The following ZC3H18 variants were observed in gnomAD, a reference collection of about 807,000 sequenced individuals.
ZC3H18 encodes zinc finger CCCH domain-containing protein 18.
Under a neutral mutation model 106.1 loss-of-function variants are expected in ZC3H18, and 8 were observed. That is an observed-to-expected ratio of 0.08 (90% CI 0.04 to 0.14). The LOEUF (loss-of-function observed/expected upper bound fraction) is 0.14, where lower values mean the gene tolerates loss of function less well. Ranked by LOEUF, ZC3H18 falls within the 10% of genes least tolerant of loss-of-function variation. The pLI, the probability that ZC3H18 is intolerant of heterozygous loss-of-function variation, is 1.00. For missense variants in ZC3H18, 1,318 were observed against 1,278.4 expected, an observed-to-expected ratio of 1.03 and a Z score of -0.47; for synonymous variants, 635 against 522.1, an observed-to-expected ratio of 1.22 and a Z score of -2.95.
intron 6 of ZC3H18, among the ~76,000 whole-genome samples, chr16:88,602,948 C>G (rs1904823392): frequency 6.6e-6 from 1 of 151,938 alleles, no homozygotes; most frequent in East Asian, 1.9e-4. Context: ...ACATAAAGGA[C>G]AAGAAAATTG....
intron 1 of ZC3H18, among the ~76,000 whole-genome samples, chr16:88,571,056 C>T (rs1052809478): frequency 6.6e-6 from 1 of 152,216 alleles, no homozygotes; most frequent in African/African-American, 2.4e-5. Flanking sequence ...GCAGTGATTG[C>T]CCCAAGACGC....
intron 8 of ZC3H18, among the ~76,000 whole-genome samples, chr16:88,619,380 T>C (rs570525122): frequency 6.6e-6 from 1 of 152,196 alleles, no homozygotes; most frequent in Non-Finnish European, 1.5e-5. Context: ...ACCTCCTTGC[T>C]CCATGGGCCT....
chr16:88,621,929 C>T (rs1905990243), intron 8 of ZC3H18, among the ~76,000 whole-genome samples: 1 of 152,198 alleles, frequency 6.6e-6, no homozygotes, highest in African/African-American at 2.4e-5. Context: ...TAATGACACT[C>T]ACAGAAAGTA....
intron 5 of ZC3H18, among the ~76,000 whole-genome samples, chr16:88,599,042 A>C (rs924656777): frequency 6.6e-6 from 1 of 152,056 alleles, no homozygotes; most frequent in Non-Finnish European, 1.5e-5. Flanking sequence ...AGTTATATCT[A>C]ACTGTCTCAG....
At position 88,627,414 on chromosome 16, in the gene ZC3H18, T is replaced by C. The variant is rs1906378191; in HGVS notation, c.2109-208T>C. The stretch of plus-strand genomic sequence containing the variant: ...AGCCGTGCCTGGCTGCAACCTGACA[T>C]TGATTAGTGAAATGGGGCCCTGGCC... On this transcript the variant is annotated intron_variant, in intron 13 of 17. Coordinates refer to ENST00000301011, the MANE Select transcript of ZC3H18 (RefSeq NM_144604.4). The surrounding 1 kb of genome is among the most constrained non-coding windows in gnomAD (Gnocchi z 4.5). 3 of 544,236 alleles carry C rather than the reference T, an allele frequency of 5.5e-6. No homozygotes were observed. In the East Asian group the frequency reaches 9.5e-5, roughly 17 times the overall value. The allele number at this position is 544,236 out of a possible 1,614,324, so 33.7% of individuals were successfully genotyped here.
rs1291803200 is a variant in ZC3H18, at chr16:88,623,240, C to G, written c.1689C>G (p.Ser563=). 1.9e-6 allele frequency: 3 copies of G among 1,613,384 alleles called. No individual in the cohort carries two copies. Among genetic ancestry groups the G allele is most frequent in the Non-Finnish European group, 2.5e-6 (3 of 1,179,944 alleles). Residue 563 remains serine (S), a synonymous_variant, in exon 10 of 18, where the codon TCC becomes TCG. Transcript: ENST00000301011. ...CCAGGTCGTCTTCGCGGTCATCGTC[C>G]TACTCTGGCTCCGGCTCCTCCCGGT... ...NSSRSSSRSS[S]YSGSGSSRSR... is the part of the protein sequence containing the mutation.
intron 8 of ZC3H18, among the ~76,000 whole-genome samples, chr16:88,614,978 C>CT (rs1382127458): frequency 6.7e-6 from 1 of 149,516 alleles, no homozygotes; most frequent in Non-Finnish European, 1.5e-5. Context: ...CTCCTGTTCC[C>CT]TCTGCCCAGA....
intron 6 of ZC3H18, among the ~76,000 whole-genome samples, chr16:88,605,794 G>A (rs1374009901): frequency 2.0e-5 from 3 of 152,182 alleles, no homozygotes; most frequent in African/African-American, 7.2e-5. Context: ...CTAATTGCTC[G>A]ACTTTTCACC....
At chr16:88,622,428 T>C in intron 9 of ZC3H18, 40 bp downstream of exon 9, 1 of 1,544,808 alleles carries the variant, frequency 6.5e-7, no homozygotes, top group South Asian at 1.2e-5. Context: ...GTCAGCACCT[T>C]GGAGCCGTCA....
chr16:88,581,341 C>T (rs1416010224), intron 2 of ZC3H18, among the ~76,000 whole-genome samples: 1 of 152,158 alleles, frequency 6.6e-6, no homozygotes, highest in Non-Finnish European at 1.5e-5. Flanking sequence ...GCACATGTCC[C>T]TTTTAGATTT....
chr16:88,588,805 G>C (rs1391035159), intron 3 of ZC3H18, among the ~76,000 whole-genome samples: 2 of 151,970 alleles, frequency 1.3e-5, no homozygotes, highest in African/African-American at 4.8e-5. Context: ...CAGATCACTT[G>C]AGCCTGGGAA....
In ZC3H18 at chr16:88,624,699, C is replaced by A. The variant is rs762087791; in HGVS notation, c.1996C>A (p.Arg666=). ...VPEPTKPGDP[R]EARRKERPAR... ...CGAGCCCACCAAGCCAGGAGACCCT[C>A]GGGAAGCCAGGAGGAAGGAGCGGCC... Residue 666 remains arginine (R), a synonymous_variant, in exon 12 of 18, where the codon CGG becomes AGG. Transcript: ENST00000301011. 1.2e-6 allele frequency: 2 copies of A among 1,613,490 alleles called. No individual in the cohort carries two copies. The highest frequency in any genetic ancestry group is 1.3e-5 in the African/African-American group (1 of 74,904).
intron 2 of ZC3H18, among the ~76,000 whole-genome samples, chr16:88,585,006 A>G (rs1215170717): frequency 1.3e-5 from 2 of 152,242 alleles, no homozygotes; most frequent in African/African-American, 4.8e-5. Context: ...TTGAGCTTAC[A>G]TAGAATACCA....
chr16:88,595,356 G>A (rs1210707372), intron 3 of ZC3H18, among the ~76,000 whole-genome samples: 2 of 152,092 alleles, frequency 1.3e-5, no homozygotes, highest in Non-Finnish European at 2.9e-5. Flanking sequence ...CACAGTATCC[G>A]CAGAACTATC....
chr16:88,583,855 CCTT>C (rs1222933020), intron 2 of ZC3H18, among the ~76,000 whole-genome samples: 1 of 152,108 alleles, frequency 6.6e-6, no homozygotes, highest in Admixed American at 6.5e-5. Flanking sequence ...TCAGGCCCCT[CCTT>C]GTCCTCTGCT....
intron 5 of ZC3H18, among the ~76,000 whole-genome samples, chr16:88,599,203 C>A (rs913381943): frequency 2.0e-5 from 3 of 151,666 alleles, no homozygotes; most frequent in Non-Finnish European, 4.4e-5. Flanking sequence ...CGAGGCTGCC[C>A]GAGCCGCACC....
intron 6 of ZC3H18, among the ~76,000 whole-genome samples, chr16:88,607,255 G>A (rs1034074926): frequency 6.6e-6 from 1 of 152,186 alleles, no homozygotes; most frequent in African/African-American, 2.4e-5. Flanking sequence ...TTCATGTGCT[G>A]CGATGGCACT....
At chr16:88,614,261 T>C (rs544300153) in intron 8 of ZC3H18, among the ~76,000 whole-genome samples, 17 of 152,378 alleles carry the variant, frequency 1.1e-4, no homozygotes, top group African/African-American at 4.1e-4. Flanking sequence ...GCCACAGTTC[T>C]CATGCTCCCC....
At position 88,620,029 on chromosome 16, in the gene ZC3H18, G is replaced by T. The variant is rs564279410; in HGVS notation, c.1476-2168G>T. Among the ~76,000 whole-genome samples, 3 of 152,346 alleles carry T rather than the reference G, an allele frequency of 2.0e-5. No homozygotes were observed. In the East Asian group the frequency reaches 5.8e-4, roughly 29 times the overall value. On this transcript the variant is annotated intron_variant, in intron 8 of 17. Coordinates refer to ENST00000301011, the MANE Select transcript of ZC3H18 (RefSeq NM_144604.4). The stretch of plus-strand genomic sequence containing the variant: ...TGGGGTTTTGGGCTGACGTACAGGA[G>T]CTGAAGCTGTGATGTCGCGTGTCCG...
Sources: allele counts gnomAD v4.1 joint callset (sites outside exome capture counted in the v4.1 genomes callset), GRCh38; gene constraint gnomAD v4.1.1; non-coding constraint Gnocchi (gnomAD v3.1); transcripts MANE v1.5; gene names NCBI Gene and HGNC (gene_info 2026-07-23, HGNC 2026-07-21).